TAS2R1: variants seen among roughly 807,000 people sequenced by gnomAD.
The protein encoded by TAS2R1 is taste 2 receptor member 1, also known as taste receptor type 2 member 1.
For synonymous variants in TAS2R1, 141 were observed against 134.2 expected, an observed-to-expected ratio of 1.05 and a Z score of -0.35; for missense variants, 370 against 353.4, an observed-to-expected ratio of 1.05 and a Z score of -0.38.
At chr5:9,808,280 AAAGGT>A in the TAS2R1 span, among the ~76,000 whole-genome samples, 9 of 152,358 alleles carry the variant, frequency 5.9e-5, no homozygotes, top group Non-Finnish European at 8.8e-5. Flanking sequence ...GCAATGAAGT[AAAGGT>A]AATCCCTATT....
chr5:9,866,975 G>A, the TAS2R1 span, among the ~76,000 whole-genome samples: 218 of 152,246 alleles, frequency 1.4e-3, no homozygotes, highest in Admixed American at 5.4e-3. Context: ...CCAAAACCAC[G>A]TGGTCAGCCA....
At chr5:9,815,147 G>C in the TAS2R1 span, among the ~76,000 whole-genome samples, 22 of 152,224 alleles carry the variant, frequency 1.4e-4, no homozygotes, top group Admixed American at 1.3e-3. Flanking sequence ...AGAAAAGGAG[G>C]TTGTAATTGA....
the TAS2R1 span, among the ~76,000 whole-genome samples, chr5:9,851,178 A>G: frequency 6.6e-5 from 10 of 152,284 alleles, no homozygotes; most frequent in South Asian, 2.1e-3. Flanking sequence ...ATTATCTATA[A>G]ACCATGTTTA....
the TAS2R1 span, among the ~76,000 whole-genome samples, chr5:9,803,978 C>T: frequency 5.9e-5 from 9 of 152,142 alleles, no homozygotes; most frequent in Non-Finnish European, 1.3e-4. Context: ...AACCAAGTTT[C>T]TGCTGTCTTC....
chr5:9,827,618 ACACACAC>A, the TAS2R1 span, among the ~76,000 whole-genome samples: 1 of 151,736 alleles, frequency 6.6e-6, no homozygotes, highest in Admixed American at 6.6e-5. Context: ...ACACACACAC[ACACACAC>A]AATCACACAT....
At chr5:9,658,962 T>C (rs1385549688) in intron 2 of TAS2R1, among the ~76,000 whole-genome samples, 2 of 152,218 alleles carry the variant, frequency 1.3e-5, no homozygotes, top group African/African-American at 4.8e-5. Context: ...CTCCCCTTGC[T>C]CTCAGTCTAT....
chr5:9,748,542 C>T, the TAS2R1 span, among the ~76,000 whole-genome samples: 33 of 152,162 alleles, frequency 2.2e-4, no homozygotes, highest in Middle Eastern at 3.4e-3. Context: ...AGCCCTCAGG[C>T]GCTTTCACTC....
the TAS2R1 span, among the ~76,000 whole-genome samples, chr5:9,836,962 G>T: frequency 6.6e-6 from 1 of 152,184 alleles, no homozygotes; most frequent in Non-Finnish European, 1.5e-5. Context: ...GCATTGCTGA[G>T]AGATTCCAGA....
chr5:9,895,542 G>C, the TAS2R1 span, among the ~76,000 whole-genome samples: 20 of 152,324 alleles, frequency 1.3e-4, no homozygotes, highest in East Asian at 3.9e-3. Flanking sequence ...GCTTCCTTTT[G>C]AATCAGTGCA....
the TAS2R1 span, among the ~76,000 whole-genome samples, chr5:9,737,288 A>G: frequency 6.6e-6 from 1 of 152,192 alleles, no homozygotes; most frequent in African/African-American, 2.4e-5. Context: ...TTAGGTCAAC[A>G]TAGTTGCAGG....
At chr5:9,652,140 T>C (rs1341047045) in intron 2 of TAS2R1, among the ~76,000 whole-genome samples, 2 of 152,190 alleles carry the variant, frequency 1.3e-5, no homozygotes, top group African/African-American at 4.8e-5. Context: ...CATGGAGACA[T>C]AGTATCTCTC....
At chr5:9,772,273 C>G in the TAS2R1 span, among the ~76,000 whole-genome samples, 1 of 152,088 alleles carries the variant, frequency 6.6e-6, no homozygotes, top group Non-Finnish European at 1.5e-5. Flanking sequence ...ACTGGCCATT[C>G]TGGAGCATAT....
the TAS2R1 span, among the ~76,000 whole-genome samples, chr5:9,820,109 G>A: frequency 6.6e-6 from 1 of 152,012 alleles, no homozygotes; most frequent in Non-Finnish European, 1.5e-5. Context: ...AAGGGGAAAA[G>A]ATGAAGCAAA....
the TAS2R1 span, among the ~76,000 whole-genome samples, chr5:9,850,011 C>G: frequency 6.6e-6 from 1 of 152,168 alleles, no homozygotes; most frequent in Non-Finnish European, 1.5e-5. Flanking sequence ...GTGCTAAGTC[C>G]CACTCAAGCA....
the TAS2R1 span, among the ~76,000 whole-genome samples, chr5:9,825,241 G>T: frequency 6.6e-6 from 1 of 152,208 alleles, no homozygotes; most frequent in African/African-American, 2.4e-5. Flanking sequence ...ATAAAGGAAA[G>T]AGGTTTAACA....
At chr5:9,688,689 G>A (rs79849820) in intron 1 of TAS2R1, among the ~76,000 whole-genome samples, 5,349 of 152,170 alleles carry the variant, frequency 0.035, 150 homozygotes, top group African/African-American at 0.072. Flanking sequence ...GGACCTCCAC[G>A]GGCCATGCAC....
chr5:9,834,114 A>T, the TAS2R1 span, among the ~76,000 whole-genome samples: 1 of 152,082 alleles, frequency 6.6e-6, no homozygotes, highest in Non-Finnish European at 1.5e-5. Flanking sequence ...GGAAGAGCGT[A>T]AGGTCCCTGG....
the TAS2R1 span, among the ~76,000 whole-genome samples, chr5:9,719,753 A>G: frequency 1.4e-5 from 2 of 138,666 alleles, no homozygotes; most frequent in East Asian, 4.1e-4. Context: ...CGTCTCTACT[A>G]AAAATACAAA....
rs1739778077 is a variant in TAS2R1 at position 9,627,516 on chromosome 5, G to C, written c.*1617C>G. ...TCAGAAAAAAAAACACATGAGAGTT[G>C]TATCATGACAAATTTCTCCCTGAAT... On this transcript the variant is annotated 3_prime_UTR_variant, in exon 1 of 1. Coordinates refer to ENST00000382492, the MANE Select transcript of TAS2R1 (RefSeq NM_019599.3). 6.6e-6 allele frequency among the ~76,000 whole-genome samples: 1 copy of C among 152,020 alleles called. No individual in the cohort carries two copies. The highest frequency in any genetic ancestry group is 1.5e-5 in the Non-Finnish European group (1 of 68,002).
Sources: allele counts gnomAD v4.1 joint callset (sites outside exome capture counted in the v4.1 genomes callset), GRCh38; gene constraint gnomAD v4.1.1; transcripts MANE v1.5; gene names NCBI Gene and HGNC (gene_info 2026-07-23, HGNC 2026-07-21).